Variants in LRRIQ1 observed in about 807,000 individuals in gnomAD.
LRRIQ1 encodes the protein leucine-rich repeat- and IQ domain-containing protein 1.
Under a neutral mutation model 211.9 loss-of-function variants are expected in LRRIQ1, and 210 were observed. The ratio of observed to expected loss-of-function variants is 0.99; its 90% confidence interval spans 0.89 to 1.11. The LOEUF (loss-of-function observed/expected upper bound fraction) is 1.11, where lower values mean the gene tolerates loss of function less well. Among genes scored for constraint, LRRIQ1 ranks in the 50% most tolerant of loss-of-function variants. The pLI, the probability that LRRIQ1 is intolerant of heterozygous loss-of-function variation, is 0.00. For synonymous variants in LRRIQ1, 699 were observed against 650.1 expected, an observed-to-expected ratio of 1.08 and a Z score of -1.14; for missense variants, 2,136 against 1,939.5, an observed-to-expected ratio of 1.10 and a Z score of -1.90.
chr12:85,154,147 A>G (rs1381659143), intron 23 of LRRIQ1, 53 bp downstream of exon 23: 8 of 949,796 alleles, frequency 8.4e-6, no homozygotes, highest in African/African-American at 1.7e-5. Flanking sequence ...ATTGAAGATA[A>G]CTTCTTTAAA....
chr12:85,086,664 TATAA>T (rs750349457), intron 11 of LRRIQ1, among the ~76,000 whole-genome samples: 11 of 151,954 alleles, frequency 7.2e-5, no homozygotes, highest in Non-Finnish European at 1.5e-4. Context: ...AGGTTGTGAT[TATAA>T]ATAACAAAAT....
At chr12:85,170,504 A>AAT (rs966805857) in intron 24 of LRRIQ1, among the ~76,000 whole-genome samples, 6 of 150,224 alleles carry the variant, frequency 4.0e-5, no homozygotes, top group African/African-American at 9.7e-5. Flanking sequence ...CCCATGTATA[A>AAT]ATATATATAT....
chr12:85,189,181 C>G (rs1283194962), intron 24 of LRRIQ1, among the ~76,000 whole-genome samples: 1 of 152,082 alleles, frequency 6.6e-6, no homozygotes, highest in Non-Finnish European at 1.5e-5. Context: ...AGCAAAGCAG[C>G]CCATTTCCAA....
chr12:85,123,120 T>C (rs1265824054), intron 16 of LRRIQ1, among the ~76,000 whole-genome samples: 5 of 152,114 alleles, frequency 3.3e-5, no homozygotes, highest in African/African-American at 1.2e-4. Flanking sequence ...TATTAGCCAA[T>C]GAAATGAATG....
downstream of LRRIQ1, among the ~76,000 whole-genome samples, chr12:85,267,030 G>A (rs1430111839): frequency 1.3e-5 from 2 of 152,050 alleles, no homozygotes; most frequent in African/African-American, 4.8e-5. Flanking sequence ...TAATTTCCTT[G>A]TGGAGGCCTG....
At chr12:85,067,556 T>C (rs1266655524) in intron 10 of LRRIQ1, among the ~76,000 whole-genome samples, 2 of 151,866 alleles carry the variant, frequency 1.3e-5, no homozygotes, top group Non-Finnish European at 2.9e-5. Flanking sequence ...TATTTATTTA[T>C]TTATATTTTT....
rs12297183 is a variant in LRRIQ1, at chr12:85,092,331, G to A, written c.2888-6024G>A. Among the ~76,000 whole-genome samples the A allele has an allele frequency of 3.1e-3, 469 of 152,246 alleles. 4 individuals are homozygous for A. Among genetic ancestry groups the A allele is most frequent in the African/African-American group, 0.01 (435 of 41,552 alleles). On this transcript the variant is annotated intron_variant, in intron 11 of 26. Coordinates refer to ENST00000393217, the MANE Select transcript of LRRIQ1 (RefSeq NM_001079910.2). ...CAGAATCCAACACTTATTTTAGTCT[G>A]TGTGTGGCCCACTCATTATTTTATT...
chr12:85,089,317 A>G (rs1350572786), intron 11 of LRRIQ1, among the ~76,000 whole-genome samples: 2 of 152,204 alleles, frequency 1.3e-5, no homozygotes, highest in Non-Finnish European at 2.9e-5. Flanking sequence ...GGGCATTGCT[A>G]TAAAGATACC....
intron 13 of LRRIQ1, among the ~76,000 whole-genome samples, chr12:85,101,555 A>G (rs766435993): frequency 2.4e-4 from 37 of 151,972 alleles, no homozygotes; most frequent in Non-Finnish European, 4.9e-4. Context: ...GGTTTTCACT[A>G]ATGTCCTTTG....
chr12:85,210,133 CT>C (rs1893767484), intron 24 of LRRIQ1, among the ~76,000 whole-genome samples: 1 of 152,094 alleles, frequency 6.6e-6, no homozygotes. Context: ...TACATTTCTA[CT>C]AAATTTATTC....
rs77826837 is a variant in LRRIQ1, at chr12:85,147,258, G to A, written c.4330-5022G>A. On this transcript the variant is annotated intron_variant, in intron 19 of 26. Coordinates refer to ENST00000393217, the MANE Select transcript of LRRIQ1 (RefSeq NM_001079910.2). The stretch of plus-strand genomic sequence containing the variant: ...AGTGTAGTCAATTTTCCAACAGGAA[G>A]GGGCAAAAATCCACGAGATGAGAGA... Among the ~76,000 whole-genome samples the A allele has an allele frequency of 0.013, 1,969 of 151,852 alleles. 111 individuals carry two copies. The East Asian group carries it at 0.2, about 16-fold the overall frequency.
chr12:85,042,381 T>C (rs1878993094), intron 3 of LRRIQ1, among the ~76,000 whole-genome samples: 1 of 149,128 alleles, frequency 6.7e-6, no homozygotes, highest in African/African-American at 2.4e-5. Flanking sequence ...ATTATTTAAA[T>C]TATTTAAAAT....
At chr12:85,241,991 G>A (rs1391999428) in intron 26 of LRRIQ1, among the ~76,000 whole-genome samples, 1 of 152,002 alleles carries the variant, frequency 6.6e-6, no homozygotes, top group East Asian at 1.9e-4. Context: ...ATTTCATTGT[G>A]AAATTATAGG....
Position 85,044,735 on chromosome 12 carries a change from G to C in LRRIQ1, c.262G>C (p.Val88Leu). Residue 88 changes from valine to leucine, a missense_variant, in exon 4 of 27, where the codon GTT becomes CTT. Physicochemically the swap from Val to Leu is conservative, Grantham distance 32. Transcript: ENST00000393217. ...TDILSCSYGA[V>L]SNNHMHLRTG... ...TTCTCTAGGCTGTAGTTATGGAGCAGTTTCTAATAATCATATGCATTTAAG... is the reference window on the plus strand; with the variant it reads ...TTCTCTAGGCTGTAGTTATGGAGCACTTTCTAATAATCATATGCATTTAAG... 6.4e-7 allele frequency: 1 copy of C among 1,559,752 alleles called. No homozygotes were observed. Among genetic ancestry groups the C allele is most frequent in the South Asian group, 1.1e-5 (1 of 87,884 alleles).
intron 8 of LRRIQ1, among the ~76,000 whole-genome samples, chr12:85,062,399 G>A (rs1881927504): frequency 6.6e-6 from 1 of 151,592 alleles, no homozygotes. Flanking sequence ...CTATTTTTAT[G>A]TCCTTGTTTA....
chr12:85,082,163 T>G (rs1033483294), intron 11 of LRRIQ1, among the ~76,000 whole-genome samples: 3 of 152,156 alleles, frequency 2.0e-5, no homozygotes, highest in African/African-American at 7.2e-5. Context: ...TTATTTAAAT[T>G]ATAATTTGTA....
At chr12:85,053,163 G>C (rs1880535923) in intron 7 of LRRIQ1, among the ~76,000 whole-genome samples, 2 of 151,916 alleles carry the variant, frequency 1.3e-5, no homozygotes, top group Non-Finnish European at 2.9e-5. Flanking sequence ...ATTGCAAGAA[G>C]AGGAAAACAG....
At chr12:85,145,864 C>A (rs755434582) in intron 19 of LRRIQ1, among the ~76,000 whole-genome samples, 9 of 151,738 alleles carry the variant, frequency 5.9e-5, no homozygotes, top group Non-Finnish European at 1.3e-4. Context: ...GTAACAAAAT[C>A]TGTCGTAAGT....
intron 24 of LRRIQ1, among the ~76,000 whole-genome samples, chr12:85,170,558 G>A (rs1891368968): frequency 6.6e-6 from 1 of 150,800 alleles, no homozygotes; most frequent in Admixed American, 6.6e-5. Flanking sequence ...ATATATGTGT[G>A]TATATATGAG....
Sources: allele counts gnomAD v4.1 joint callset (sites outside exome capture counted in the v4.1 genomes callset), GRCh38; gene constraint gnomAD v4.1.1; transcripts MANE v1.5; gene names NCBI Gene and HGNC (gene_info 2026-07-23, HGNC 2026-07-21).